RNF217: variants seen among roughly 807,000 people sequenced by gnomAD.
RNF217 encodes the protein ring finger protein 217, also known as E3 ubiquitin-protein ligase RNF217.
Under a neutral mutation model 57.8 loss-of-function variants are expected in RNF217, and 31 were observed. The observed-to-expected ratio is 0.54, with a 90% CI of 0.40 to 0.72. The LOEUF (loss-of-function observed/expected upper bound fraction) is 0.72, where lower values mean the gene tolerates loss of function less well. Among genes scored for constraint, RNF217 ranks in the 30% least tolerant of loss-of-function variants. The probability of loss-of-function intolerance (pLI) is 0.00; values close to 1 mark genes in which losing one functional copy is unlikely to be tolerated. For synonymous variants in RNF217, 313 were observed against 294.0 expected (o/e 1.06, Z -0.66); for missense variants, 696 against 708.3 (o/e 0.98, Z 0.20).
chr6:125,034,722 A>G (rs566512980), intron 1 of RNF217, among the ~76,000 whole-genome samples: 34 of 152,188 alleles, frequency 2.2e-4, no homozygotes, highest in Admixed American at 3.3e-4. Flanking sequence ...GTTTTTTCCA[A>G]TTCTGTGAAG....
intron 1 of RNF217, among the ~76,000 whole-genome samples, chr6:125,033,157 G>T (rs1331789685): frequency 1.1e-4 from 16 of 148,826 alleles, no homozygotes; most frequent in African/African-American, 4.0e-4. Flanking sequence ...TTCAGAGTTT[G>T]GATTTCAACT....
chr6:125,052,433 T>C (rs1787361829), intron 2 of RNF217, among the ~76,000 whole-genome samples: 1 of 151,982 alleles, frequency 6.6e-6, no homozygotes, highest in South Asian at 2.1e-4. Context: ...TGTGAGAAAC[T>C]AAGGCAAGGA....
chr6:124,994,850 G>A (rs1454717643), intron 1 of RNF217, among the ~76,000 whole-genome samples: 2 of 152,150 alleles, frequency 1.3e-5, no homozygotes, highest in Admixed American at 6.5e-5. Flanking sequence ...GTGGCTGACT[G>A]TTGGCAGGCT....
chr6:124,965,713 T>C (rs2114974717), intron 1 of RNF217, among the ~76,000 whole-genome samples: 1 of 152,314 alleles, frequency 6.6e-6, no homozygotes, highest in African/African-American at 2.4e-5. Context: ...GGCCCTCTTA[T>C]CTGCTCACTG....
chr6:124,969,715 C>T (rs1278101581), intron 1 of RNF217, among the ~76,000 whole-genome samples: 1 of 152,080 alleles, frequency 6.6e-6, no homozygotes, highest in Non-Finnish European at 1.5e-5. Flanking sequence ...TTTAAAGCTC[C>T]TGACTTCATG....
intron 1 of RNF217, among the ~76,000 whole-genome samples, chr6:124,999,773 A>T (rs922430225): frequency 6.6e-6 from 1 of 152,168 alleles, no homozygotes; most frequent in African/African-American, 2.4e-5. Context: ...CCTGGTGTTG[A>T]CTTAGCATTG....
intron 1 of RNF217, among the ~76,000 whole-genome samples, chr6:125,032,743 CTG>C (rs934186705): frequency 6.6e-6 from 1 of 151,888 alleles, no homozygotes; most frequent in African/African-American, 2.4e-5. Context: ...ATTTTAAAAA[CTG>C]AATTAAAAAT....
intron 1 of RNF217, among the ~76,000 whole-genome samples, chr6:124,994,749 T>G (rs988047358): frequency 6.6e-6 from 1 of 152,212 alleles, no homozygotes; most frequent in African/African-American, 2.4e-5. Flanking sequence ...TATGGCATTA[T>G]ATTTCCAACT....
chr6:125,029,463 A>C (rs536175978), intron 1 of RNF217, among the ~76,000 whole-genome samples: 1 of 152,202 alleles, frequency 6.6e-6, no homozygotes, highest in Non-Finnish European at 1.5e-5. Flanking sequence ...TATTGAATCT[A>C]AAAACTCCAG....
intron 1 of RNF217, among the ~76,000 whole-genome samples, chr6:125,000,837 T>G (rs1201188627): frequency 1.3e-5 from 2 of 152,070 alleles, no homozygotes; most frequent in Non-Finnish European, 2.9e-5. Context: ...TCTTTAAAAA[T>G]AAAATAAGCT....
intron 1 of RNF217, among the ~76,000 whole-genome samples, chr6:124,995,295 A>G (rs1006358132): frequency 1.3e-5 from 2 of 152,188 alleles, no homozygotes; most frequent in African/African-American, 2.4e-5. Context: ...ATAGAACAGT[A>G]ACAATATTGA....
At chr6:124,983,625 C>G (rs140904347) in intron 1 of RNF217, 65 of 358,448 alleles carry the variant, frequency 1.8e-4, no homozygotes, top group African/African-American at 1.3e-3. Flanking sequence ...GATGTTTTCA[C>G]CCCTAGTGAA....
intron 1 of RNF217, among the ~76,000 whole-genome samples, chr6:124,987,501 T>G (rs1784405807): frequency 6.6e-6 from 1 of 152,184 alleles, no homozygotes; most frequent in Non-Finnish European, 1.5e-5. Flanking sequence ...CTTTTGTAAC[T>G]GACAAATGGA....
At chr6:125,047,451 T>C (rs1268213231) in intron 2 of RNF217, among the ~76,000 whole-genome samples, 2 of 152,222 alleles carry the variant, frequency 1.3e-5, no homozygotes, top group Non-Finnish European at 1.5e-5. Flanking sequence ...GAAGATTCTA[T>C]ATTTGTGTAA....
At chr6:125,052,006 T>A (rs978200031) in intron 2 of RNF217, among the ~76,000 whole-genome samples, 1 of 152,012 alleles carries the variant, frequency 6.6e-6, no homozygotes, top group South Asian at 2.1e-4. Flanking sequence ...GCTGAAGGTG[T>A]TTCCAGGTGG....
intron 1 of RNF217, among the ~76,000 whole-genome samples, chr6:125,011,986 A>G (rs1293014078): frequency 6.6e-6 from 1 of 152,116 alleles, no homozygotes; most frequent in African/African-American, 2.4e-5. Flanking sequence ...CTTTAAAATC[A>G]AAAGCCACTT....
In RNF217 at chr6:125,092,124, A is replaced by T. The variant is rs1413750005; in HGVS notation, c.*9187A>T. On this transcript the variant is annotated 3_prime_UTR_variant, in exon 6 of 6. Coordinates refer to ENST00000521654, the MANE Select transcript of RNF217 (RefSeq NM_001286398.3). ...CAACAGGTAGGTCCTGCTGGACAGG[A>T]CCTGAAAATTAAGAGATTTTTTTTT... is the stretch of plus-strand genomic sequence containing the variant. The T allele has an allele frequency of 6.6e-6, 1 of 152,128 alleles. No individual in the cohort carries two copies. The highest frequency in any genetic ancestry group is 2.4e-5 in the African/African-American group (1 of 41,424). 9.4% of individuals were successfully genotyped at this position (152,128 alleles called of 1,614,324 possible).
chr6:124,984,229 A>G (rs2115022773), intron 1 of RNF217, among the ~76,000 whole-genome samples: 1 of 152,312 alleles, frequency 6.6e-6, no homozygotes, highest in Non-Finnish European at 1.5e-5. Flanking sequence ...AACTTGGGAT[A>G]TAATTGTGGT....
At chr6:125,056,709 CAT>C (rs1787536059) in intron 2 of RNF217, among the ~76,000 whole-genome samples, 1 of 152,116 alleles carries the variant, frequency 6.6e-6, no homozygotes, top group African/African-American at 2.4e-5. Context: ...AGTGACGTGA[CAT>C]AGAGGAGCAA....
Sources: gnomAD v4.1 joint callset for allele counts (sites outside exome capture counted in the v4.1 genomes callset) on GRCh38, gnomAD v4.1.1 for gene constraint, MANE v1.5 for transcripts, NCBI Gene and HGNC (gene_info 2026-07-23, HGNC 2026-07-21) for gene names.